MAN1A1: variants seen among roughly 807,000 people sequenced by gnomAD.
MAN1A1 encodes mannosidase alpha class 1A member 1.
A neutral mutation model predicts 70.8 loss-of-function variants in MAN1A1; 29 were observed. The observed-to-expected ratio is 0.41, with a 90% CI of 0.31 to 0.56. The LOEUF (loss-of-function observed/expected upper bound fraction) is 0.56, where lower values mean the gene tolerates loss of function less well. MAN1A1 is among the 20% of genes least tolerant of loss of function. The probability of loss-of-function intolerance (pLI) is 0.29; values close to 1 mark genes in which losing one functional copy is unlikely to be tolerated. For synonymous variants in MAN1A1, 349 were observed against 330.1 expected (o/e 1.06, Z -0.62); for missense variants, 747 against 841.3 (o/e 0.89, Z 1.39).
intron 6 of MAN1A1, among the ~76,000 whole-genome samples, chr6:119,226,581 G>T (rs1774520336): frequency 6.6e-6 from 1 of 151,890 alleles, no homozygotes; most frequent in African/African-American, 2.4e-5. Flanking sequence ...AAGACAGTAG[G>T]GAATAAAAAT....
intron 2 of MAN1A1, among the ~76,000 whole-genome samples, chr6:119,333,654 T>C (rs1191712111): frequency 6.6e-6 from 1 of 152,210 alleles, no homozygotes; most frequent in Non-Finnish European, 1.5e-5. Flanking sequence ...ATCCTCAACC[T>C]CTATTACCAG....
chr6:119,269,968 A>G (rs1366190227), intron 5 of MAN1A1, among the ~76,000 whole-genome samples: 2 of 152,160 alleles, frequency 1.3e-5, no homozygotes, highest in African/African-American at 4.8e-5. Context: ...GCTTGAACTT[A>G]TCAATTTAAA....
chr6:119,301,202 A>G (rs1385780453), intron 4 of MAN1A1, among the ~76,000 whole-genome samples: 1 of 152,226 alleles, frequency 6.6e-6, no homozygotes, highest in Non-Finnish European at 1.5e-5. Flanking sequence ...CTGATAACAC[A>G]CACTGAAGTG....
rs2114417890 is a variant in MAN1A1, at chr6:119,290,710, G to C, written c.870C>G (p.Leu290=). 2 of 1,610,794 alleles carry C rather than the reference G, an allele frequency of 1.2e-6. No homozygotes were observed. Among genetic ancestry groups the C allele is most frequent in the South Asian group, 2.2e-5 (2 of 90,790 alleles). The stretch of plus-strand genomic sequence containing the variant: ...CTTCTCCAGACAGATAGTAGGCTGA[G>C]AGTAGTCCACCAACAAAGCGTATAT... ...EVNIRFVGGL[L]SAYYLSGEEI... Residue 290 remains leucine, a synonymous_variant, in exon 5 of 13, where the codon CTC becomes CTG. Transcript: ENST00000368468.
At chr6:119,274,352 C>T (rs1324360119) in intron 5 of MAN1A1, among the ~76,000 whole-genome samples, 2 of 152,106 alleles carry the variant, frequency 1.3e-5, no homozygotes, top group African/African-American at 4.8e-5. Flanking sequence ...TAGAGAAATT[C>T]ATTAAAGTGC....
At chr6:119,194,792 AT>A (rs1773524828) in intron 8 of MAN1A1, among the ~76,000 whole-genome samples, 2 of 66,862 alleles carry the variant, frequency 3.0e-5, no homozygotes, top group African/African-American at 6.5e-5. Flanking sequence ...CACTACACGT[AT>A]TATCAACAAT....
At chr6:119,314,590 C>T (rs1772800204) in intron 2 of MAN1A1, among the ~76,000 whole-genome samples, 1 of 152,164 alleles carries the variant, frequency 6.6e-6, no homozygotes, top group African/African-American at 2.4e-5. Flanking sequence ...CTCCACTATA[C>T]ACTGAACAGA....
intron 8 of MAN1A1, among the ~76,000 whole-genome samples, chr6:119,197,312 A>G (rs892998476): frequency 3.9e-5 from 6 of 151,928 alleles, no homozygotes; most frequent in African/African-American, 1.4e-4. Context: ...CAAAAAAGAA[A>G]AAAAAAAAAA....
intron 2 of MAN1A1, among the ~76,000 whole-genome samples, chr6:119,341,038 C>T (rs1346884246): frequency 6.6e-6 from 1 of 152,182 alleles, no homozygotes; most frequent in Non-Finnish European, 1.5e-5. Context: ...TATCTCTGTT[C>T]TGGATTATCT....
intron 4 of MAN1A1, among the ~76,000 whole-genome samples, chr6:119,292,042 G>C (rs1031543418): frequency 7.2e-5 from 11 of 151,970 alleles, no homozygotes; most frequent in African/African-American, 2.7e-4. Flanking sequence ...ATTTGAACTT[G>C]AGTACTGTGG....
chr6:119,229,520 A>G (rs1298710692), intron 6 of MAN1A1, among the ~76,000 whole-genome samples: 1 of 152,232 alleles, frequency 6.6e-6, no homozygotes, highest in Non-Finnish European at 1.5e-5. Context: ...CTTATCTATA[A>G]ATTGTTATGT....
intron 2 of MAN1A1, 84 bp from the exon 3 acceptor site, chr6:119,307,076 C>T: frequency 1.2e-6 from 1 of 869,232 alleles, no homozygotes; most frequent in Non-Finnish European, 1.8e-6. Flanking sequence ...AGAGCAAAGG[C>T]TAAAACATTA....
At chr6:119,212,019 T>A (rs923463407) in intron 6 of MAN1A1, among the ~76,000 whole-genome samples, 2 of 151,960 alleles carry the variant, frequency 1.3e-5, no homozygotes, top group Non-Finnish European at 1.5e-5. Flanking sequence ...TTTTTGTATT[T>A]TTAGCAGAGA....
intron 5 of MAN1A1, chr6:119,269,104 T>C: frequency 6.5e-6 from 1 of 154,200 alleles, no homozygotes; most frequent in Non-Finnish European, 1.4e-5. Flanking sequence ...GGCCAGGCAA[T>C]CATAAGGAAT....
intron 5 of MAN1A1, among the ~76,000 whole-genome samples, chr6:119,276,698 AATAATC>A (rs1385693223): frequency 1.3e-5 from 2 of 152,230 alleles, no homozygotes; most frequent in Non-Finnish European, 1.5e-5. Flanking sequence ...GTCACTATTT[AATAATC>A]ATAATATCAA....
At chr6:119,186,042 T>C (rs1773282853) in intron 11 of MAN1A1, among the ~76,000 whole-genome samples, 1 of 152,110 alleles carries the variant, frequency 6.6e-6, no homozygotes, top group African/African-American at 2.4e-5. Flanking sequence ...CAGAACCTGC[T>C]GTCTTCGGAT....
upstream of MAN1A1, chr6:119,350,506 G>A (rs6924723): frequency 8.1e-6 from 8 of 984,672 alleles, no homozygotes; most frequent in South Asian, 4.7e-5. Flanking sequence ...CCGCCCACCC[G>A]TACTTTCACT....
intron 2 of MAN1A1, among the ~76,000 whole-genome samples, chr6:119,339,810 G>C (rs891612126): frequency 2.0e-5 from 3 of 152,150 alleles, no homozygotes; most frequent in African/African-American, 4.8e-5. Flanking sequence ...TCAATAAATG[G>C]ACACGCATGG....
At chr6:119,265,274 A>G (rs1158950229) in intron 5 of MAN1A1, among the ~76,000 whole-genome samples, 1 of 151,298 alleles carries the variant, frequency 6.6e-6, no homozygotes, top group African/African-American at 2.4e-5. Flanking sequence ...CTAATTTTTA[A>G]TTTTTTTTGA....
Sources: allele counts gnomAD v4.1 joint callset (sites outside exome capture counted in the v4.1 genomes callset), GRCh38; gene constraint gnomAD v4.1.1; transcripts MANE v1.5; gene names NCBI Gene and HGNC (gene_info 2026-07-23, HGNC 2026-07-21).